Variants in ATP13A4 observed in about 807,000 individuals in gnomAD.
ATP13A4 encodes the protein probable cation-transporting ATPase 13A4.
Under a neutral mutation model 142.5 loss-of-function variants are expected in ATP13A4, and 114 were observed. That is an observed-to-expected ratio of 0.80 (90% confidence interval 0.69 to 0.93). The LOEUF (loss-of-function observed/expected upper bound fraction) is 0.93. Ranked by LOEUF, ATP13A4 falls within the 40% of genes least tolerant of loss-of-function variation. The pLI is 0.00. For missense variants in ATP13A4, 1,392 were observed against 1,454.0 expected (o/e 0.96, Z 0.69); for synonymous variants, 488 against 514.8 (o/e 0.95, Z 0.70).
rs1034644341 is a variant in ATP13A4, at chr3:193,504,020, T to TGTGTGTGTGTGTGTGTGTGTGTGA, written c.235-1382_235-1381insTCACACACACACACACACACACAC. On this transcript the variant is annotated intron_variant, in intron 2 of 29. Coordinates refer to ENST00000342695, the MANE Select transcript of ATP13A4 (RefSeq NM_032279.4). ...ATGTGTGTGTGTGTGTGTGTGTGTG[T>TGTGTGTGTGTGTGTGTGTGTGTGA]GAGAGAGAGAGAGAGAGAGAGAAAG... Among the ~76,000 whole-genome samples, 839 of 144,202 alleles carry TGTGTGTGTGTGTGTGTGTGTGTGA rather than the reference T, an allele frequency of 5.8e-3. 5 individuals are homozygous for TGTGTGTGTGTGTGTGTGTGTGTGA. Among genetic ancestry groups the TGTGTGTGTGTGTGTGTGTGTGTGA allele is most frequent in the African/African-American group, 0.013 (511 of 38,608 alleles). 94.6% of individuals were successfully genotyped at this position (144,202 alleles called of 152,430 possible).
upstream of ATP13A4, among the ~76,000 whole-genome samples, chr3:193,557,015 T>C (rs1368009775): frequency 6.6e-6 from 1 of 152,172 alleles, no homozygotes; most frequent in Non-Finnish European, 1.5e-5. Context: ...TATTTGCAGT[T>C]TCCTTTTGGC....
chr3:193,514,626 C>A, intron 2 of ATP13A4, 72 bp downstream of exon 2: 17 of 1,584,116 alleles, frequency 1.1e-5, no homozygotes, highest in South Asian at 6.9e-5. Context: ...CACATCTCCC[C>A]CCAGCCATCC....
intron 3 of ATP13A4, among the ~76,000 whole-genome samples, chr3:193,496,260 C>T (rs777300711): frequency 7.2e-5 from 11 of 152,164 alleles, no homozygotes; most frequent in African/African-American, 2.7e-4. Flanking sequence ...ACCCTGGATA[C>T]CCAAAGCAAA....
chr3:193,481,180 T>C (rs1363308333), intron 8 of ATP13A4, among the ~76,000 whole-genome samples: 1 of 152,202 alleles, frequency 6.6e-6, no homozygotes, highest in African/African-American at 2.4e-5. Flanking sequence ...CAGTGTACAC[T>C]GCTCAGGTGA....
At chr3:193,549,429 T>G (rs142977912) in intron 1 of ATP13A4, among the ~76,000 whole-genome samples, 63 of 142,654 alleles carry the variant, frequency 4.4e-4, no homozygotes, top group Middle Eastern at 3.6e-3. Flanking sequence ...TATATATATA[T>G]ATATAGAGAG....
chr3:193,455,857 TA>T lies in ATP13A4; in HGVS notation c.1915+1142del, dbSNP rs1227510853. On this transcript the variant is annotated intron_variant, in intron 16 of 29. Coordinates refer to ENST00000342695, the MANE Select transcript of ATP13A4 (RefSeq NM_032279.4). Reference sequence around the variant, plus strand: ...TACATGATGGAATACTAGGCAGCCATAAAAAAGAATGAGATCATGTCCTTTG... The same window carrying T: ...TACATGATGGAATACTAGGCAGCCATAAAAAGAATGAGATCATGTCCTTTG... Among the ~76,000 whole-genome samples, 3 of 152,096 alleles carry T rather than the reference TA, an allele frequency of 2.0e-5. No individual in the cohort carries two copies. In the East Asian group the frequency reaches 5.8e-4, roughly 29 times the overall value.
At chr3:193,517,415 A>C (rs909653881) in intron 1 of ATP13A4, among the ~76,000 whole-genome samples, 4 of 152,224 alleles carry the variant, frequency 2.6e-5, no homozygotes, top group Admixed American at 1.3e-4. Context: ...CTGGGACAAC[A>C]GGAGTAGGTG....
chr3:193,523,345 C>T (rs1339308795), intron 1 of ATP13A4, among the ~76,000 whole-genome samples: 1 of 151,920 alleles, frequency 6.6e-6, no homozygotes, highest in East Asian at 1.9e-4. Flanking sequence ...CAACCATATT[C>T]GAGTTCATGC....
At chr3:193,469,621 G>A (rs1309884605) in intron 9 of ATP13A4, among the ~76,000 whole-genome samples, 1 of 152,106 alleles carries the variant, frequency 6.6e-6, no homozygotes, top group East Asian at 1.9e-4. Flanking sequence ...GAGTGAGTGA[G>A]ACTATGTCTC....
intron 1 of ATP13A4, among the ~76,000 whole-genome samples, chr3:193,538,847 G>C (rs959799306): frequency 1.3e-5 from 2 of 151,268 alleles, no homozygotes; most frequent in South Asian, 2.1e-4. Flanking sequence ...GAAGCAATAT[G>C]CAGACAAATG....
In ATP13A4 at chr3:193,448,274, A is replaced by G; in HGVS notation, c.2084T>C (p.Leu695Ser). 1 of 1,614,180 alleles carries G rather than the reference A, an allele frequency of 6.2e-7. No individual in the cohort carries two copies. Among genetic ancestry groups the G allele is most frequent in the South Asian group, 1.1e-5 (1 of 91,088 alleles). Residue 695 changes from leucine (L) to serine (S), a missense_variant, in exon 18 of 30, where the codon TTG becomes TCG. By Grantham distance (145) the Leu-to-Ser change is moderately radical. Coordinates refer to ENST00000342695, the MANE Select transcript of ATP13A4 (RefSeq NM_032279.4). ...CAAGACAGGTTTTGTCTCTTCCTTC[A>G]ATCGATTCTCCAAGATCAGCAGCCC... ...FLGLLILENRLKEETKPVLEE... is the reference protein window; with the variant it reads ...FLGLLILENRSKEETKPVLEE...
chr3:193,442,236 GT>G (rs1716687091), intron 19 of ATP13A4, among the ~76,000 whole-genome samples, 156 bp downstream of exon 19: 1 of 152,180 alleles, frequency 6.6e-6, no homozygotes, highest in African/African-American at 2.4e-5. Context: ...TTCAATCTCT[GT>G]ATGAAAAGTA....
chr3:193,514,607 T>G, intron 2 of ATP13A4, 91 bp downstream of exon 2: 1 of 1,514,660 alleles, frequency 6.6e-7, no homozygotes, highest in East Asian at 2.6e-5. Flanking sequence ...ACCTGCTATC[T>G]GTCTTGTGCA....
At chr3:193,501,258 T>C (rs376208570) in intron 3 of ATP13A4, among the ~76,000 whole-genome samples, 71 of 152,334 alleles carry the variant, frequency 4.7e-4, no homozygotes, top group African/African-American at 1.6e-3. Flanking sequence ...TTGGAGGTAC[T>C]TGACCTCCTT....
intron 17 of ATP13A4, among the ~76,000 whole-genome samples, chr3:193,453,369 G>C (rs529479259): frequency 2.6e-5 from 4 of 152,160 alleles, no homozygotes; most frequent in East Asian, 1.9e-4. Flanking sequence ...ATTTAAAAAT[G>C]AGCCTAGATT....
chr3:193,427,715 G>T (rs1715741918), intron 25 of ATP13A4, among the ~76,000 whole-genome samples: 2 of 152,152 alleles, frequency 1.3e-5, no homozygotes, highest in African/African-American at 4.8e-5. Flanking sequence ...AATAAATGGT[G>T]CTGGGAAAAC....
intron 2 of ATP13A4, among the ~76,000 whole-genome samples, chr3:193,572,751 T>C (rs998529026): frequency 2.0e-5 from 3 of 151,942 alleles, no homozygotes; most frequent in African/African-American, 7.3e-5. Flanking sequence ...CCTGAAGACG[T>C]TAGTACATGC....
intron 18 of ATP13A4, among the ~76,000 whole-genome samples, chr3:193,444,290 T>C (rs1175727482): frequency 6.6e-6 from 1 of 152,188 alleles, no homozygotes; most frequent in Non-Finnish European, 1.5e-5. Context: ...GGTGCTGACT[T>C]CATCTTTCAC....
At chr3:193,487,223 C>A (rs1012631796) in intron 7 of ATP13A4, among the ~76,000 whole-genome samples, 2 of 151,808 alleles carry the variant, frequency 1.3e-5, no homozygotes, top group Non-Finnish European at 2.9e-5. Context: ...AGAGGTTTAG[C>A]GATATCGGTA....
Sources: gnomAD v4.1 joint callset for allele counts (sites outside exome capture counted in the v4.1 genomes callset) on GRCh38, gnomAD v4.1.1 for gene constraint, MANE v1.5 for transcripts, NCBI Gene and HGNC (gene_info 2026-07-23, HGNC 2026-07-21) for gene names.